The following PCP2 variants were observed in gnomAD, a reference collection of about 807,000 sequenced individuals.
PCP2 encodes the protein Purkinje cell protein 2 homolog.
A neutral mutation model predicts 18.3 loss-of-function variants in PCP2; 21 were observed. That is an observed-to-expected ratio of 1.14 (90% confidence interval 0.81 to 1.65). PCP2 has a LOEUF of 1.65. PCP2 is among the 40% of genes most tolerant of loss of function. The pLI, the probability that PCP2 is intolerant of heterozygous loss-of-function variation, is 0.00. For synonymous variants in PCP2, 85 were observed against 77.6 expected, an observed-to-expected ratio of 1.10 and a Z score of -0.50; for missense variants, 202 against 201.8, an observed-to-expected ratio of 1.00 and a Z score of 0.00.
upstream of PCP2, among the ~76,000 whole-genome samples, chr19:7,634,461 C>T (rs4804217): frequency 0.29 from 44,438 of 152,192 alleles, 7,199 homozygotes; most frequent in Non-Finnish European, 0.37. Context: ...CTCCTCAGTA[C>T]GTGTATCCCT....
chr19:7,633,061 T>C (rs1274236574), intron 1 of PCP2: 1 of 1,366,980 alleles, frequency 7.3e-7, no homozygotes, highest in Non-Finnish European at 9.6e-7. Context: ...CCACTTCACG[T>C]GGTACCGCTT....
chr19:7,631,920 G>C, intron 3 of PCP2, 112 bp from the exon 4 acceptor site: 1 of 1,105,478 alleles, frequency 9.0e-7, no homozygotes, highest in Non-Finnish European at 1.2e-6. Flanking sequence ...CTCATTGTGA[G>C]CACTGGTCTA....
upstream of PCP2, chr19:7,636,583 G>C (rs925984000): frequency 6.7e-6 from 1 of 149,434 alleles, no homozygotes; most frequent in African/African-American, 2.6e-5. Context: ...CGGTTTCCTC[G>C]TCGGCACCGC....
In PCP2 at chr19:7,632,505, G is replaced by C. The variant is rs1374512816; in HGVS notation, c.179C>G (p.Thr60Ser). 1 of 1,613,400 alleles carries C rather than the reference G, an allele frequency of 6.2e-7. No individual in the cohort carries two copies. Among genetic ancestry groups the C allele is most frequent in the Admixed American group, 1.7e-5 (1 of 60,016 alleles). The change falls in exon 3 of 4, where the codon ACC becomes AGC. Residue 60 changes from threonine to serine, a missense_variant. Transcript: ENST00000311069. This position sits in a 1 kb window ranked among gnomAD's most constrained non-coding sequence, Gnocchi z 5.2. ...GTCCATGAGGCTGTCCATCTCGGGG[G>C]TGGGGTCGCTCTCTGCGTGGACGTT... ...GQTTKSQSDP[T>S]PEMDSLMDML...
rs770683876 is a variant in PCP2 at position 7,631,757 on chromosome 19, G to A, written c.343C>T (p.Pro115Ser). Residue 115 changes from proline to serine, a missense_variant, in exon 4 of 4, where the codon CCT (proline) becomes TCT (serine). Coordinates refer to ENST00000311069, the MANE Select transcript of PCP2 (RefSeq NM_174895.3). ...GTLSPQPLLT[P>S]QDPTALGFRR... ...AAGCCGAGAGCGGTCGGGTCCTGAG[G>A]GGTGAGCAGGGGTTGGGGACTGAGG... The A allele has an allele frequency of 7.0e-6, 10 of 1,431,882 alleles. No homozygotes were observed. In the South Asian group the frequency reaches 1.5e-4, roughly 22 times the overall value. The allele number at this position is 1,431,882 out of a possible 1,614,324, so 88.7% of individuals were successfully genotyped here. A position where few individuals can be genotyped will look rare whatever the true frequency, so the allele number is the denominator to read the frequency against.
At chr19:7,636,984 A>C, upstream of PCP2, 73 of 652,284 alleles carry the variant, frequency 1.1e-4, no homozygotes, top group East Asian at 3.6e-4. Flanking sequence ...CCTCCCCGCC[A>C]GGGACTCAAC....
chr19:7,634,736 G>A (rs955371235), upstream of PCP2, among the ~76,000 whole-genome samples: 3 of 152,192 alleles, frequency 2.0e-5, no homozygotes, highest in Admixed American at 2.0e-4. Flanking sequence ...AAATGAAGGT[G>A]TTGGCAGAGC....
In PCP2 at chr19:7,631,649, GT is replaced by G. The variant is rs1283152140; in HGVS notation, c.*39del. On this transcript the variant is annotated 3_prime_UTR_variant, in exon 4 of 4. Coordinates refer to ENST00000311069, the MANE Select transcript of PCP2 (RefSeq NM_174895.3). ...ATTTAAGTGTTTTATTCTTTTATCA[GT>G]TTTTGGGGGCCGAGTGAGACCCAGG... The G allele has an allele frequency of 6.9e-7, 1 of 1,454,334 alleles. No individual in the cohort carries two copies. The highest frequency in any genetic ancestry group is 2.3e-5 in the Admixed American group (1 of 42,898). 90.1% of individuals were successfully genotyped at this position (1,454,334 alleles called of 1,614,324 possible).
chr19:7,631,989 G>T, intron 3 of PCP2, 181 bp from the exon 4 acceptor site: 1 of 572,272 alleles, frequency 1.7e-6, no homozygotes, highest in Non-Finnish European at 2.7e-6. Context: ...GGCAGGTCTT[G>T]GGGCCCTCGC....
chr19:7,633,399 C>G lies in PCP2; in HGVS notation c.51+8G>C, dbSNP rs761451658. ...GCTGGGGGTGGGGTGGGGGCAGGGCCCTCTCACCTCGGCACAGGGGCCTGA... is the reference window on the plus strand; with the variant it reads ...GCTGGGGGTGGGGTGGGGGCAGGGCGCTCTCACCTCGGCACAGGGGCCTGA... On this transcript the variant is annotated splice_region_variant and intron_variant, in intron 1 of 3. Transcript: ENST00000311069. 8.3e-6 allele frequency: 13 copies of G among 1,564,552 alleles called. No individual in the cohort carries two copies. The highest frequency in any genetic ancestry group is 1.1e-5 in the Non-Finnish European group (13 of 1,153,680).
At position 7,632,667 on chromosome 19, in the gene PCP2, T is replaced by C; in HGVS notation, c.166+49A>G. 1 of 1,552,216 alleles carries C rather than the reference T, an allele frequency of 6.4e-7. No individual in the cohort carries two copies. Among genetic ancestry groups the C allele is most frequent in the Non-Finnish European group, 8.7e-7 (1 of 1,153,720 alleles). The stretch of plus-strand genomic sequence containing the variant: ...CTCCAGATGACCACTTGCCCTGCAC[T>C]CCCACCCCGTTCACGCCCCATGGAC... On this transcript the variant is annotated intron_variant, in intron 2 of 3. Transcript: ENST00000311069. The surrounding 1 kb of genome is among the most constrained non-coding windows in gnomAD (Gnocchi z 5.2).
chr19:7,633,667 TA>T lies in PCP2; in HGVS notation c.-211del, dbSNP rs1208699200. ...ACGATGCTGGATCTGGCATGGTGGG[TA>T]GGGGGCAGGGCGACCTGAGCTTGGA... On this transcript the variant is annotated 5_prime_UTR_variant, in exon 1 of 4. Transcript: ENST00000311069. 2 of 578,990 alleles carry T rather than the reference TA, an allele frequency of 3.5e-6. No individual in the cohort carries two copies. Among genetic ancestry groups the T allele is most frequent in the Non-Finnish European group, 6.1e-6 (2 of 329,512 alleles). 35.9% of individuals were successfully genotyped at this position (578,990 alleles called of 1,614,324 possible).
upstream of PCP2, chr19:7,636,698 G>GGCTGCTGCT (rs886123582): frequency 3.7e-5 from 6 of 161,096 alleles, 1 homozygote; most frequent in South Asian, 2.0e-4. Context: ...TATCCAAGAC[G>GGCTGCTGCT]GCTGCTGCTG....
At chr19:7,635,842 C>T (rs1599384347), upstream of PCP2, among the ~76,000 whole-genome samples, 1 of 152,196 alleles carries the variant, frequency 6.6e-6, no homozygotes, top group East Asian at 1.9e-4. Flanking sequence ...ATTTTTAGCA[C>T]TGAAAGTCCT....
chr19:7,635,813 G>C (rs1004114131), upstream of PCP2, among the ~76,000 whole-genome samples: 56 of 152,174 alleles, frequency 3.7e-4, no homozygotes, highest in Non-Finnish European at 1.2e-4. Flanking sequence ...AACCGTCCTG[G>C]TTTGCCTGTG....
chr19:7,632,684 C>G lies in PCP2; in HGVS notation c.166+32G>C, dbSNP rs1412261072. 1.3e-6 allele frequency: 2 copies of G among 1,549,238 alleles called. No homozygotes were observed. The highest frequency in any genetic ancestry group is 1.7e-6 in the Non-Finnish European group (2 of 1,152,230). On this transcript the variant is annotated intron_variant, in intron 2 of 3. Transcript: ENST00000311069. This position sits in a 1 kb window ranked among gnomAD's most constrained non-coding sequence, Gnocchi z 5.2. ...CCCTGCACTCCCACCCCGTTCACGC[C>G]CCATGGACAGCACCCCCGTGCCCAT...
chr19:7,632,311 T>G lies in PCP2; in HGVS notation c.291+82A>C. Reference sequence around the variant, plus strand: ...TGGACAGAGATGGGGCAGGCCCTGTTCCCTCCTGGCTGGGGTGGAGGGCAG... The same window carrying G: ...TGGACAGAGATGGGGCAGGCCCTGTGCCCTCCTGGCTGGGGTGGAGGGCAG... On this transcript the variant is annotated intron_variant, in intron 3 of 3. Transcript: ENST00000311069. This position sits in a 1 kb window ranked among gnomAD's most constrained non-coding sequence, Gnocchi z 5.2. 1 of 1,573,080 alleles carries G rather than the reference T, an allele frequency of 6.4e-7. No homozygotes were observed. Among genetic ancestry groups the G allele is most frequent in the South Asian group, 1.2e-5 (1 of 86,768 alleles).
At position 7,632,494 on chromosome 19, in the gene PCP2, C is replaced by T. The variant is rs756021029; in HGVS notation, c.190G>A (p.Asp64Asn). ...CTGGCCAGCATGTCCATGAGGCTGTCCATCTCGGGGGTGGGGTCGCTCTCT... is the reference window on the plus strand; with the variant it reads ...CTGGCCAGCATGTCCATGAGGCTGTTCATCTCGGGGGTGGGGTCGCTCTCT... The part of the protein sequence containing the change: ...KSQSDPTPEM[D>N]SLMDMLASTQ... The change falls in exon 3 of 4, where the codon GAC (aspartate) becomes AAC (asparagine). Residue 64 changes from aspartate (D) to asparagine (N), a missense_variant. Transcript: ENST00000311069. The surrounding 1 kb of genome is among the most constrained non-coding windows in gnomAD (Gnocchi z 5.2). 2.5e-6 allele frequency: 4 copies of T among 1,613,492 alleles called. No homozygotes were observed. The South Asian group carries it at 3.3e-5, about 13-fold the overall frequency.
chr19:7,636,387 A>G (rs1008630685), upstream of PCP2: 1 of 152,170 alleles, frequency 6.6e-6, no homozygotes, highest in Non-Finnish European at 1.5e-5. Flanking sequence ...GTTTGCAAGC[A>G]TTTGAGGGCG....
Sources: allele counts gnomAD v4.1 joint callset (sites outside exome capture counted in the v4.1 genomes callset), GRCh38; gene constraint gnomAD v4.1.1; non-coding constraint Gnocchi (gnomAD v3.1); transcripts MANE v1.5; gene names NCBI Gene and HGNC (gene_info 2026-07-23, HGNC 2026-07-21).